PTPRF: variants seen among roughly 807,000 people sequenced by gnomAD.
The protein encoded by PTPRF is protein tyrosine phosphatase receptor type F, also known as receptor-type tyrosine-protein phosphatase F.
PTPRF carries 59 observed loss-of-function variants against 201.8 expected under a neutral mutation model. The observed-to-expected ratio is 0.29, with a 90% confidence interval of 0.24 to 0.36. The LOEUF (loss-of-function observed/expected upper bound fraction) is 0.36, where lower values mean the gene tolerates loss of function less well. Ranked by LOEUF, PTPRF falls within the 10% of genes least tolerant of loss-of-function variation. The pLI is 1.00. For synonymous variants in PTPRF, 1,088 were observed against 1,089.7 expected (o/e 1.00, Z 0.03); for missense variants, 2,132 against 2,690.5 (o/e 0.79, Z 4.59).
At position 43,620,137 on chromosome 1, in the gene PTPRF, G is replaced by T; in HGVS notation, c.5154G>T (p.Glu1718Asp). The T allele has an allele frequency of 6.2e-7, 1 of 1,614,102 alleles. No individual in the cohort carries two copies. Among genetic ancestry groups the T allele is most frequent in the Non-Finnish European group, 8.5e-7 (1 of 1,179,976 alleles). The part of the protein sequence containing the change: ...AYIATQGPLA[E>D]STEDFWRMLW... The stretch of plus-strand genomic sequence containing the variant: ...TAGCTACACAGGGGCCTCTGGCAGA[G>T]AGCACCGAGGACTTCTGGCGCATGC... Residue 1718 changes from glutamate (E) to aspartate (D), a missense_variant, in exon 30 of 34, where the codon GAG (glutamate) becomes GAT (aspartate). Glu to Asp is a conservative substitution (Grantham distance 45). Coordinates refer to ENST00000359947, the MANE Select transcript of PTPRF (RefSeq NM_002840.5).
At chr1:43,550,565 G>A (rs938933744) in intron 3 of PTPRF, among the ~76,000 whole-genome samples, 1 of 152,238 alleles carries the variant, frequency 6.6e-6, no homozygotes. Context: ...CCAGGAACTG[G>A]GTCAGACACT....
chr1:43,584,989 C>G (rs566845659), intron 7 of PTPRF, among the ~76,000 whole-genome samples: 1 of 152,362 alleles, frequency 6.6e-6, no homozygotes, highest in East Asian at 1.9e-4. Context: ...AAAGTTACAG[C>G]TGAAATATAA....
rs1658732472 is a variant in PTPRF, at chr1:43,619,694, C to G, written c.4947C>G (p.Ser1649=). Residue 1649 remains serine (S), a synonymous_variant, in exon 29 of 34, where the codon TCC becomes TCG. Transcript: ENST00000359947. ...MELEFKLLAS[S]KAHTSRFISA... ...CCTCTCAATAGTTGCTGGCCAGCTCCAAGGCCCACACGTCCCGCTTCATCA... is the reference window on the plus strand; with the variant it reads ...CCTCTCAATAGTTGCTGGCCAGCTCGAAGGCCCACACGTCCCGCTTCATCA... The G allele has an allele frequency of 1.2e-6, 2 of 1,613,976 alleles. No individual in the cohort carries two copies. Among genetic ancestry groups the G allele is most frequent in the African/African-American group, 1.3e-5 (1 of 74,930 alleles).
intron 11 of PTPRF, among the ~76,000 whole-genome samples, chr1:43,594,490 G>T (rs935425492): frequency 6.6e-6 from 1 of 151,976 alleles, no homozygotes; most frequent in Non-Finnish European, 1.5e-5. Context: ...GTAGGCAGGA[G>T]AGCTGACTCT....
rs1278488146 is a variant in PTPRF at position 43,545,155 on chromosome 1, C to T, written c.80C>T (p.Ala27Val). 1.3e-6 allele frequency: 2 copies of T among 1,579,070 alleles called. No homozygotes were observed. Among genetic ancestry groups the T allele is most frequent in the East Asian group, 2.3e-5 (1 of 42,922 alleles). The change falls in exon 3 of 34, where the codon GCC becomes GTC. Residue 27 changes from alanine to valine, a missense_variant. This residue lies in a region of PTPRF where 297 missense variants were observed against 454.0 expected (regional missense o/e 0.65). Transcript: ENST00000359947. ...ALVMLGLVAG[A>V]HGDSKPVFIK... ...GTGATGCTTGGTTTGGTGGCAGGCGCCCATGGTGACAGTAAGTCTGACCCC... is the reference window on the plus strand; with the variant it reads ...GTGATGCTTGGTTTGGTGGCAGGCGTCCATGGTGACAGTAAGTCTGACCCC...
intron 11 of PTPRF, among the ~76,000 whole-genome samples, chr1:43,594,960 C>T (rs1256573458): frequency 1.3e-5 from 2 of 152,160 alleles, no homozygotes; most frequent in Admixed American, 6.5e-5. Flanking sequence ...GTTTCAAGAA[C>T]TAGACGAGAT....
rs1305127004 is a variant in PTPRF, at chr1:43,554,352, G to A, written c.379+411G>A. 6.6e-6 allele frequency among the ~76,000 whole-genome samples: 1 copy of A among 152,198 alleles called. No homozygotes were observed. The highest frequency in any genetic ancestry group is 2.4e-5 in the African/African-American group (1 of 41,448). On this transcript the variant is annotated intron_variant, in intron 5 of 33. Transcript: ENST00000359947. This position sits in a 1 kb window ranked among gnomAD's most constrained non-coding sequence, Gnocchi z 4.1. Reference sequence around the variant, plus strand: ...TCCTTGTTGCCCCTGTGAGCTGAGGGCTGGGGCTCTGTCCGTGGATTTTAG... The same window carrying A: ...TCCTTGTTGCCCCTGTGAGCTGAGGACTGGGGCTCTGTCCGTGGATTTTAG...
chr1:43,570,467 G>A (rs1304293051), intron 6 of PTPRF, among the ~76,000 whole-genome samples: 3 of 152,258 alleles, frequency 2.0e-5, no homozygotes, highest in Non-Finnish European at 4.4e-5. Context: ...CTGCCAGCAC[G>A]GCCTGGACCA....
chr1:43,530,969 C>A lies in PTPRF; in HGVS notation c.-247C>A, dbSNP rs953721536. On this transcript the variant is annotated 5_prime_UTR_variant, in exon 1 of 34. Transcript: ENST00000359947. This position sits in a 1 kb window ranked among gnomAD's most constrained non-coding sequence, Gnocchi z 4.1. The stretch of plus-strand genomic sequence containing the variant: ...GCTCCGGCTCCGGCTCCGGCTCCGG[C>A]TCCAGCTCGGGTGGCGGTGGCGGGA... The A allele has an allele frequency of 7.3e-4, 115 of 157,890 alleles. 2 individuals carry two copies. The East Asian group carries it at 0.021, about 28-fold the overall frequency. 9.8% of individuals were successfully genotyped at this position (157,890 alleles called of 1,614,324 possible).
Position 43,603,644 on chromosome 1 carries a change from C to T in PTPRF, c.2492C>T (p.Thr831Met), listed in dbSNP as rs367652888. ...PGRPTMMIST[T>M]AMNTALLQWH... is the part of the protein sequence containing the mutation. The stretch of plus-strand genomic sequence containing the variant: ...CGGCCCACCATGATGATCAGCACCA[C>T]GGCCATGAACACTGCGCTGCTCCAG... The change falls in exon 16 of 34, where the codon ACG becomes ATG. Residue 831 changes from threonine (T) to methionine (M), a missense_variant. Physicochemically the swap from Thr to Met is moderately conservative, Grantham distance 81. Transcript: ENST00000359947. This position sits in a 1 kb window ranked among gnomAD's most constrained non-coding sequence, Gnocchi z 5.8. The T allele has an allele frequency of 3.1e-6, 5 of 1,613,474 alleles. No individual in the cohort carries two copies. The highest frequency in any genetic ancestry group is 1.1e-5 in the South Asian group (1 of 91,058).
At chr1:43,558,913 C>T (rs145704380) in intron 5 of PTPRF, among the ~76,000 whole-genome samples, 29 of 152,212 alleles carry the variant, frequency 1.9e-4, no homozygotes, top group Non-Finnish European at 3.4e-4. Flanking sequence ...CCCAGGAGGC[C>T]GCCAGACATT....
At position 43,546,946 on chromosome 1, in the gene PTPRF, T is replaced by G. The variant is rs1342136648; in HGVS notation, c.91+1780T>G. 6.6e-6 allele frequency among the ~76,000 whole-genome samples: 1 copy of G among 152,210 alleles called. No homozygotes were observed. The highest frequency in any genetic ancestry group is 1.5e-5 in the Non-Finnish European group (1 of 68,036). On this transcript the variant is annotated intron_variant, in intron 3 of 33. Transcript: ENST00000359947. This position sits in a 1 kb window ranked among gnomAD's most constrained non-coding sequence, Gnocchi z 4.2. ...CGCCTTCATCCAAGCCACCCTCGGC[T>G]CTTGGGCTTTTGCACGCAACAGCCT...
chr1:43,574,019 A>G (rs1297268110), intron 6 of PTPRF, among the ~76,000 whole-genome samples: 2 of 87,450 alleles, frequency 2.3e-5, no homozygotes, highest in Non-Finnish European at 4.2e-5. Flanking sequence ...TTTTTGAGAC[A>G]GAGTTTCGCT....
In PTPRF at chr1:43,618,741, C is replaced by G. The variant is rs1398514141; in HGVS notation, c.4483C>G (p.Leu1495Val). 6.2e-7 allele frequency: 1 copy of G among 1,603,420 alleles called. No homozygotes were observed. Among genetic ancestry groups the G allele is most frequent in the Non-Finnish European group, 8.5e-7 (1 of 1,171,182 alleles). ...LATYTVRTFALHKSGSSEKRE... is the reference protein window; with the variant it reads ...LATYTVRTFAVHKSGSSEKRE... ...CACATACACTGTGCGCACCTTCGCA[C>G]TCCACAAGGTATAGCCTTTCCCCAG... The change falls in exon 26 of 34, where the codon CTC becomes GTC. Residue 1495 changes from leucine to valine, a missense_variant. This residue lies in a region of PTPRF where 519 missense variants were observed against 659.5 expected (regional missense o/e 0.79). Coordinates refer to ENST00000359947, the MANE Select transcript of PTPRF (RefSeq NM_002840.5).
chr1:43,591,397 C>G lies in PTPRF; in HGVS notation c.1375C>G (p.Pro459Ala). 3 of 1,565,266 alleles carry G rather than the reference C, an allele frequency of 1.9e-6. No homozygotes were observed. Among genetic ancestry groups the G allele is most frequent in the Non-Finnish European group, 2.6e-6 (3 of 1,156,424 alleles). Residue 459 changes from proline to alanine, a missense_variant, in exon 9 of 34, where the codon CCG (proline) becomes GCG (alanine). Coordinates refer to ENST00000359947, the MANE Select transcript of PTPRF (RefSeq NM_002840.5). The stretch of plus-strand genomic sequence containing the variant: ...CTATACTCCGGACTCCCGCCGCCCC[C>G]CGAACGCCTGGCACAAGCACAACAC... ...VYYTPDSRRP[P>A]NAWHKHNTDA...
Position 43,546,740 on chromosome 1 carries a change from A to G in PTPRF, c.91+1574A>G, listed in dbSNP as rs899076634. On this transcript the variant is annotated intron_variant, in intron 3 of 33. Coordinates refer to ENST00000359947, the MANE Select transcript of PTPRF (RefSeq NM_002840.5). This position sits in a 1 kb window ranked among gnomAD's most constrained non-coding sequence, Gnocchi z 4.2. ...CCTGTACCCCTCACTCTCATCCCCCAGCCTGCTGTCTTCCCGTGTTCTCTC... is the reference window on the plus strand; with the variant it reads ...CCTGTACCCCTCACTCTCATCCCCCGGCCTGCTGTCTTCCCGTGTTCTCTC... 6.6e-6 allele frequency among the ~76,000 whole-genome samples: 1 copy of G among 151,932 alleles called. No homozygotes were observed. The highest frequency in any genetic ancestry group is 2.4e-5 in the African/African-American group (1 of 41,362).
chr1:43,598,074 G>T, intron 12 of PTPRF, 21 bp downstream of exon 12: 1 of 1,452,718 alleles, frequency 6.9e-7, no homozygotes. Flanking sequence ...CCACCGGGGC[G>T]GGAGGGGAGG....
In PTPRF at chr1:43,603,416, G is replaced by A. The variant is rs750523020; in HGVS notation, c.2341G>A (p.Glu781Lys). Residue 781 changes from glutamate (E) to lysine (K), a missense_variant and splice_region_variant, in exon 15 of 34, where the codon GAA becomes AAA. By Grantham distance (56) the Glu-to-Lys change is moderately conservative (BLOSUM62 1). Transcript: ENST00000359947. The surrounding 1 kb of genome is among the most constrained non-coding windows in gnomAD (Gnocchi z 5.8). ...GAACGAACCCCTCCTCCTCCCTCAG[G>A]AAACCACTATCAGCGGCCTGACCCC... ...QWRPEESEDY[E>K]TTISGLTPET... 1.2e-6 allele frequency: 2 copies of A among 1,613,734 alleles called. No homozygotes were observed. The highest frequency in any genetic ancestry group is 1.7e-6 in the Non-Finnish European group (2 of 1,179,686).
Position 43,606,762 on chromosome 1 carries a change from T to C in PTPRF, c.3703-52T>C, listed in dbSNP as rs1655219291. 3 of 1,590,828 alleles carry C rather than the reference T, an allele frequency of 1.9e-6. No homozygotes were observed. In the East Asian group the frequency reaches 6.7e-5, roughly 36 times the overall value. ...TTCTCCAGGATTAATAGGCAGAGGG[T>C]GGGGGGTTCTCACGCTGAGCTCACA... On this transcript the variant is annotated intron_variant, in intron 20 of 33. Transcript: ENST00000359947.
Sources: allele counts gnomAD v4.1 joint callset (sites outside exome capture counted in the v4.1 genomes callset), GRCh38; gene constraint gnomAD v4.1.1; regional missense constraint gnomAD v4.1.1; non-coding constraint Gnocchi (gnomAD v3.1); transcripts MANE v1.5; gene names NCBI Gene and HGNC (gene_info 2026-07-23, HGNC 2026-07-21).